GRM1: variants seen among roughly 807,000 people sequenced by gnomAD.
GRM1 encodes glutamate metabotropic receptor 1.
A neutral mutation model predicts 90.9 loss-of-function variants in GRM1; 33 were observed. The observed-to-expected ratio is 0.36, with a 90% CI of 0.28 to 0.49. The LOEUF is 0.49. Among genes scored for constraint, GRM1 ranks in the 20% least tolerant of loss-of-function variants. GRM1 has a pLI of 0.99. For missense variants in GRM1, 1,190 were observed against 1,534.3 expected (o/e 0.78, Z 3.75); for synonymous variants, 700 against 613.2 (o/e 1.14, Z -2.09).
In GRM1 at chr6:146,135,575, A is replaced by T. The variant is rs186046441; in HGVS notation, c.701-23773A>T. ...ACACTGTAACCCAGGGCAGTGCAAG[A>T]ACTTGCACACAGTCATAGTTACATT... On this transcript the variant is annotated intron_variant, in intron 1 of 7. Transcript: ENST00000282753. Among the ~76,000 whole-genome samples, 308 of 152,330 alleles carry T rather than the reference A, an allele frequency of 2.0e-3. 1 individual carries two copies. Among genetic ancestry groups the T allele is most frequent in the African/African-American group, 7.0e-3 (291 of 41,576 alleles).
chr6:146,267,675 G>GTCTCGTCTCGTCTC (rs1781954757), intron 2 of GRM1, among the ~76,000 whole-genome samples: 13 of 103,262 alleles, frequency 1.3e-4, no homozygotes, highest in Non-Finnish European at 8.7e-5. Flanking sequence ...GGGCTGGGCT[G>GTCTCGTCTCGTCTC]GGCTGGGCTC....
At chr6:146,049,817 G>A (rs183983754) in intron 1 of GRM1, among the ~76,000 whole-genome samples, 2 of 151,898 alleles carry the variant, frequency 1.3e-5, no homozygotes, top group Admixed American at 1.3e-4. Context: ...GCCAAACACT[G>A]TGCAATTGTT....
chr6:146,191,420 T>G (rs574015087), intron 2 of GRM1, among the ~76,000 whole-genome samples: 1 of 152,218 alleles, frequency 6.6e-6, no homozygotes, highest in Non-Finnish European at 1.5e-5. Context: ...TCTTCGGTGA[T>G]TCCTCTCTGT....
chr6:146,109,496 G>A (rs1775465447), intron 1 of GRM1, among the ~76,000 whole-genome samples: 1 of 152,200 alleles, frequency 6.6e-6, no homozygotes, highest in Admixed American at 6.5e-5. Context: ...ATATGGAAAT[G>A]CCTGGATGAA....
intron 2 of GRM1, among the ~76,000 whole-genome samples, chr6:146,163,282 T>A (rs1481713375): frequency 6.6e-6 from 1 of 152,184 alleles, no homozygotes; most frequent in Non-Finnish European, 1.5e-5. Flanking sequence ...TCATTTCTTC[T>A]TGTCTCTATG....
intron 1 of GRM1, among the ~76,000 whole-genome samples, chr6:146,157,992 T>C (rs1359208287): frequency 6.6e-6 from 1 of 152,214 alleles, no homozygotes; most frequent in Non-Finnish European, 1.5e-5. Context: ...TATTTAATCA[T>C]TAATGAAATA....
intron 2 of GRM1, chr6:146,171,593 A>C (rs1338905474): frequency 4.0e-6 from 1 of 249,032 alleles, no homozygotes; most frequent in Non-Finnish European, 8.8e-6. Context: ...AAAGGTTGAA[A>C]ATTGGCTGCA....
chr6:146,076,445 G>A (rs1469467423), intron 1 of GRM1, among the ~76,000 whole-genome samples: 3 of 152,176 alleles, frequency 2.0e-5, no homozygotes, highest in African/African-American at 7.2e-5. Context: ...TTGGGTCAGG[G>A]TGGTGGCAGT....
intron 2 of GRM1, among the ~76,000 whole-genome samples, chr6:146,302,259 G>A (rs1783414660): frequency 6.7e-6 from 1 of 150,292 alleles, no homozygotes; most frequent in South Asian, 2.1e-4. Flanking sequence ...AATTACCTCT[G>A]TCCCCCACTA....
chr6:146,204,212 G>C (rs927043019), intron 2 of GRM1, among the ~76,000 whole-genome samples: 3 of 152,044 alleles, frequency 2.0e-5, no homozygotes, highest in Admixed American at 2.0e-4. Context: ...AGATGAGAGC[G>C]ATGAAAGAAA....
intron 2 of GRM1, among the ~76,000 whole-genome samples, chr6:146,285,812 G>A (rs781053408): frequency 3.3e-5 from 5 of 151,988 alleles, no homozygotes; most frequent in African/African-American, 1.2e-4. Flanking sequence ...TTTCATGTTC[G>A]CTCCTCTGCT....
At chr6:146,369,739 G>T (rs1424019820) in intron 5 of GRM1, among the ~76,000 whole-genome samples, 2 of 151,890 alleles carry the variant, frequency 1.3e-5, no homozygotes, top group African/African-American at 4.8e-5. Flanking sequence ...GTCACCCAAT[G>T]TATGGTCTAT....
intron 1 of GRM1, among the ~76,000 whole-genome samples, chr6:146,040,947 T>C (rs898575424): frequency 1.3e-5 from 2 of 151,900 alleles, no homozygotes; most frequent in Non-Finnish European, 2.9e-5. Flanking sequence ...TTTTTTTTTC[T>C]TTTTTCTCCT....
At chr6:146,164,345 G>A (rs939777608) in intron 2 of GRM1, among the ~76,000 whole-genome samples, 1 of 152,094 alleles carries the variant, frequency 6.6e-6, no homozygotes, top group Non-Finnish European at 1.5e-5. Flanking sequence ...GTATTGAATT[G>A]TAACCTCCTC....
intron 1 of GRM1, among the ~76,000 whole-genome samples, chr6:146,094,149 AT>A (rs1440963702): frequency 6.6e-6 from 1 of 152,142 alleles, no homozygotes; most frequent in African/African-American, 2.4e-5. Context: ...GAAAAGAAGA[AT>A]TTGTTAACCG....
At chr6:146,193,254 G>T (rs966566271) in intron 2 of GRM1, among the ~76,000 whole-genome samples, 4 of 152,132 alleles carry the variant, frequency 2.6e-5, no homozygotes, top group Non-Finnish European at 5.9e-5. Flanking sequence ...GCACATTTGG[G>T]AGTCATTAGG....
At chr6:146,090,993 A>G (rs543155070) in intron 1 of GRM1, among the ~76,000 whole-genome samples, 47 of 152,166 alleles carry the variant, frequency 3.1e-4, no homozygotes, top group African/African-American at 1.1e-3. Flanking sequence ...CTGATACTTT[A>G]TTGATGATAA....
intron 2 of GRM1, among the ~76,000 whole-genome samples, chr6:146,241,511 T>C (rs1780862611): frequency 6.6e-6 from 1 of 152,170 alleles, no homozygotes; most frequent in African/African-American, 2.4e-5. Context: ...TTGTAAATGA[T>C]GGTCTCCATA....
intron 2 of GRM1, among the ~76,000 whole-genome samples, chr6:146,250,967 G>A (rs1245486554): frequency 6.6e-6 from 1 of 152,154 alleles, no homozygotes; most frequent in Admixed American, 6.5e-5. Flanking sequence ...CAAGACAAAT[G>A]TCTTAAAGAA....
Sources: gnomAD v4.1 joint callset for allele counts (sites outside exome capture counted in the v4.1 genomes callset) on GRCh38, gnomAD v4.1.1 for gene constraint, MANE v1.5 for transcripts, NCBI Gene and HGNC (gene_info 2026-07-23, HGNC 2026-07-21) for gene names.